Variants in CADM2 observed in about 807,000 individuals in gnomAD.
The protein encoded by CADM2 is cell adhesion molecule 2, also known as immunoglobulin superfamily member 4D.
Under a neutral mutation model 49.8 loss-of-function variants are expected in CADM2, and 12 were observed. That is an observed-to-expected ratio of 0.24 (90% CI 0.15 to 0.39). The LOEUF (loss-of-function observed/expected upper bound fraction) is 0.39. Among genes scored for constraint, CADM2 ranks in the 10% least tolerant of loss-of-function variants. The pLI, the probability that CADM2 is intolerant of heterozygous loss-of-function variation, is 1.00. For synonymous variants in CADM2, 214 were observed against 175.4 expected, an observed-to-expected ratio of 1.22 and a Z score of -1.74; for missense variants, 378 against 492.3, an observed-to-expected ratio of 0.77 and a Z score of 2.20.
At chr3:85,854,320 A>G (rs1234678417) in intron 3 of CADM2, among the ~76,000 whole-genome samples, 1 of 152,202 alleles carries the variant, frequency 6.6e-6, no homozygotes, top group African/African-American at 2.4e-5. Context: ...CTATAAAGAC[A>G]CATGCACTCG....
rs183485566 is a variant in CADM2, at chr3:85,675,105, C to A, written c.62-51417C>A. Among the ~76,000 whole-genome samples, 15 of 152,260 alleles carry A rather than the reference C, an allele frequency of 9.9e-5. 1 individual carries two copies. Among genetic ancestry groups the A allele is most frequent in the Non-Finnish European group, 1.6e-4 (11 of 67,994 alleles). ...GCTCATTGATTTACTTCAGTCTTAA[C>A]TCCAGCTATTACTAAAATAATGACA... On this transcript the variant is annotated intron_variant, in intron 1 of 9. Coordinates refer to ENST00000383699, the MANE Select transcript of CADM2 (RefSeq NM_001167675.2).
In CADM2 at chr3:85,434,046, T is replaced by C. The variant is rs1419158742; in HGVS notation, c.62-292476T>C. 2.6e-5 allele frequency among the ~76,000 whole-genome samples: 4 copies of C among 152,042 alleles called. No individual in the cohort carries two copies. In the East Asian group the frequency reaches 5.8e-4, roughly 22 times the overall value. On this transcript the variant is annotated intron_variant, in intron 1 of 9. Coordinates refer to ENST00000383699, the MANE Select transcript of CADM2 (RefSeq NM_001167675.2). ...GTTGATTTAAAACTTACAGTATGAG[T>C]CGATTAAGTTTAGATTTTGCCAAAA...
Position 85,914,943 on chromosome 3 carries a change from G to T in CADM2, c.700+2400G>T, listed in dbSNP as rs555344268. ...CACAGTAGTTAATTTTGCTAATTTTGTGGACATTGAGGGTCCTGATCTCTG... is the reference window on the plus strand; with the variant it reads ...CACAGTAGTTAATTTTGCTAATTTTTTGGACATTGAGGGTCCTGATCTCTG... On this transcript the variant is annotated intron_variant, in intron 6 of 9. Transcript: ENST00000383699. Among the ~76,000 whole-genome samples the T allele has an allele frequency of 5.3e-4, 81 of 152,282 alleles. 1 individual carries two copies. The highest frequency in any genetic ancestry group is 6.8e-3 in the Middle Eastern group (2 of 294).
At chr3:85,762,858 G>T (rs2069460818) in intron 2 of CADM2, among the ~76,000 whole-genome samples, 1 of 151,152 alleles carries the variant, frequency 6.6e-6, no homozygotes, top group African/African-American at 2.4e-5. Context: ...TGAAATTTAT[G>T]GACAAATTTA....
chr3:85,654,736 G>A (rs541796553), intron 1 of CADM2, among the ~76,000 whole-genome samples: 51 of 152,184 alleles, frequency 3.4e-4, no homozygotes, highest in African/African-American at 1.0e-3. Context: ...TGTCACTCCC[G>A]TGAAATACCA....
At chr3:85,588,827 T>A (rs2063019597) in intron 1 of CADM2, among the ~76,000 whole-genome samples, 1 of 151,966 alleles carries the variant, frequency 6.6e-6, no homozygotes, top group African/African-American at 2.4e-5. Flanking sequence ...CCAATTAGAT[T>A]AGACAGTAGA....
At chr3:85,444,118 A>T (rs972481744) in intron 1 of CADM2, among the ~76,000 whole-genome samples, 16 of 152,036 alleles carry the variant, frequency 1.1e-4, no homozygotes, top group African/African-American at 3.4e-4. Context: ...GCTTTAAATT[A>T]TATTGTTTCT....
chr3:85,929,100 T>C (rs1720279392), intron 6 of CADM2, among the ~76,000 whole-genome samples: 1 of 152,134 alleles, frequency 6.6e-6, no homozygotes, highest in Non-Finnish European at 1.5e-5. Context: ...AAACTATTAC[T>C]AATTGGTACA....
intron 7 of CADM2, among the ~76,000 whole-genome samples, chr3:85,948,105 T>C (rs1206013012): frequency 5.3e-5 from 8 of 151,584 alleles, no homozygotes; most frequent in Non-Finnish European, 1.2e-4. Context: ...AAAAATACAT[T>C]AATTTTTGAG....
chr3:85,484,780 C>T (rs2039350485), intron 1 of CADM2, among the ~76,000 whole-genome samples: 1 of 151,852 alleles, frequency 6.6e-6, no homozygotes, highest in Admixed American at 6.6e-5. Context: ...CCTTATTGAC[C>T]TCATTGATGG....
chr3:86,040,819 G>A (rs1228796261), intron 8 of CADM2, among the ~76,000 whole-genome samples: 1 of 152,080 alleles, frequency 6.6e-6, no homozygotes, highest in Non-Finnish European at 1.5e-5. Flanking sequence ...AAATGTTAAG[G>A]GCAGCCAGAG....
chr3:85,497,712 T>C (rs1490241509), intron 1 of CADM2, among the ~76,000 whole-genome samples: 1 of 152,112 alleles, frequency 6.6e-6, no homozygotes, highest in Non-Finnish European at 1.5e-5. Flanking sequence ...ATTAAATCCT[T>C]TATTTTTCTT....
chr3:85,691,969 C>T (rs1450325801), intron 1 of CADM2, among the ~76,000 whole-genome samples: 1 of 151,730 alleles, frequency 6.6e-6, no homozygotes, highest in African/African-American at 2.4e-5. Context: ...ACACCGGGGC[C>T]TGTTGTGGGG....
intron 8 of CADM2, among the ~76,000 whole-genome samples, chr3:86,060,340 A>T (rs890775411): frequency 6.6e-6 from 1 of 152,128 alleles, no homozygotes; most frequent in Non-Finnish European, 1.5e-5. Context: ...CCTAATAGTG[A>T]TCTATATCCT....
At chr3:85,419,873 C>T (rs1017990239) in intron 1 of CADM2, among the ~76,000 whole-genome samples, 2 of 152,062 alleles carry the variant, frequency 1.3e-5, no homozygotes, top group South Asian at 2.1e-4. Context: ...TTTTTCAAAG[C>T]CAGATTTCTG....
intron 1 of CADM2, among the ~76,000 whole-genome samples, chr3:85,217,983 G>T (rs1174153733): frequency 6.6e-6 from 1 of 151,978 alleles, no homozygotes; most frequent in African/African-American, 2.4e-5. Flanking sequence ...GCCTTTAGCT[G>T]TGTATCCATA....
intron 1 of CADM2, among the ~76,000 whole-genome samples, chr3:85,294,920 A>G (rs2043914034): frequency 6.6e-6 from 1 of 152,246 alleles, no homozygotes; most frequent in African/African-American, 2.4e-5. Flanking sequence ...CAATGGCAAC[A>G]AAAGCCAAAA....
chr3:85,911,216 G>T (rs374208375), intron 5 of CADM2, among the ~76,000 whole-genome samples: 2 of 152,092 alleles, frequency 1.3e-5, no homozygotes, highest in Non-Finnish European at 2.9e-5. Context: ...TTGTTATAAT[G>T]ATAACTTAAC....
chr3:85,328,585 C>A (rs1025275642), intron 1 of CADM2, among the ~76,000 whole-genome samples: 3 of 152,112 alleles, frequency 2.0e-5, no homozygotes, highest in Non-Finnish European at 4.4e-5. Flanking sequence ...TCTTCCAAAT[C>A]AATCAACTTT....
Sources: allele counts gnomAD v4.1 joint callset (sites outside exome capture counted in the v4.1 genomes callset), GRCh38; gene constraint gnomAD v4.1.1; transcripts MANE v1.5; gene names NCBI Gene and HGNC (gene_info 2026-07-23, HGNC 2026-07-21).